Variants in STK3 observed in about 807,000 individuals in gnomAD.
STK3 encodes serine/threonine kinase 3.
In STK3, 41 loss-of-function variants were observed where a neutral mutation model predicts 58.0. The ratio of observed to expected loss-of-function variants is 0.71; its 90% confidence interval spans 0.55 to 0.92. STK3 has a LOEUF of 0.92. Among genes scored for constraint, STK3 ranks in the 40% least tolerant of loss-of-function variants. The pLI is 0.00. For synonymous variants in STK3, 170 were observed against 191.0 expected (o/e 0.89, Z 0.91); for missense variants, 479 against 602.7 (o/e 0.79, Z 2.15).
At chr8:98,695,244 T>C (rs1587324142) in intron 6 of STK3, among the ~76,000 whole-genome samples, 1 of 152,352 alleles carries the variant, frequency 6.6e-6, no homozygotes, top group East Asian at 1.9e-4. Context: ...TTCTGGATAT[T>C]AGCCCTTTGT....
intron 6 of STK3, among the ~76,000 whole-genome samples, chr8:98,685,466 A>G (rs1002767924): frequency 6.6e-6 from 1 of 152,160 alleles, no homozygotes; most frequent in Non-Finnish European, 1.5e-5. Context: ...TCACTTGTTC[A>G]TGTCTTAAAG....
At chr8:98,878,847 C>G (rs1837670192), downstream of STK3, 1 of 151,780 alleles carries the variant, frequency 6.6e-6, no homozygotes, top group East Asian at 1.9e-4. Flanking sequence ...GGGTGAGCTA[C>G]CACTCCTGGC....
chr8:98,600,815 T>C (rs908369819), intron 6 of STK3, among the ~76,000 whole-genome samples: 1 of 152,116 alleles, frequency 6.6e-6, no homozygotes, highest in Admixed American at 6.5e-5. Context: ...GACAAATGTG[T>C]GAATTACAAA....
chr8:98,706,411 C>T, intron 6 of STK3, 56 bp downstream of exon 6: 3 of 1,474,920 alleles, frequency 2.0e-6, no homozygotes, highest in Non-Finnish European at 2.7e-6. Flanking sequence ...ATTGACATTA[C>T]AAAACGGCAA....
At chr8:98,701,080 G>A (rs1825562520) in intron 6 of STK3, among the ~76,000 whole-genome samples, 1 of 151,216 alleles carries the variant, frequency 6.6e-6, no homozygotes, top group East Asian at 2.0e-4. Context: ...GAGGTGGGAG[G>A]ATTGCTTGAG....
intron 3 of STK3, among the ~76,000 whole-genome samples, chr8:98,872,369 G>C (rs1416873055): frequency 6.6e-6 from 1 of 152,160 alleles, no homozygotes; most frequent in East Asian, 1.9e-4. Context: ...AAATGAATTA[G>C]GGAGGATTCA....
intron 1 of STK3, among the ~76,000 whole-genome samples, chr8:98,384,959 C>T (rs1817775557): frequency 1.3e-5 from 2 of 152,176 alleles, no homozygotes; most frequent in Admixed American, 1.3e-4. Flanking sequence ...CTGAGTCCCT[C>T]CTCCACATTC....
At chr8:98,776,894 C>T (rs1232331837) in intron 1 of STK3, among the ~76,000 whole-genome samples, 1 of 151,640 alleles carries the variant, frequency 6.6e-6, no homozygotes, top group African/African-American at 2.4e-5. Flanking sequence ...ACTAAAAATA[C>T]GAAAAATAAG....
intron 4 of STK3, among the ~76,000 whole-genome samples, chr8:98,743,906 C>CA (rs1346387859): frequency 1.3e-5 from 2 of 152,108 alleles, no homozygotes; most frequent in Non-Finnish European, 2.9e-5. Context: ...ACAACCCCAT[C>CA]AAAAGTGGGC....
At chr8:98,630,874 A>G (rs1819168698) in intron 6 of STK3, among the ~76,000 whole-genome samples, 1 of 152,162 alleles carries the variant, frequency 6.6e-6, no homozygotes, top group South Asian at 2.1e-4. Flanking sequence ...GAGATGCCAA[A>G]GCAGAATGTT....
At chr8:98,903,557 C>T (rs138641666) in intron 1 of STK3, among the ~76,000 whole-genome samples, 1,512 of 9,462 alleles carry the variant, frequency 0.16, 73 homozygotes, top group South Asian at 0.22. Flanking sequence ...CTTCTTCTTC[C>T]TTTTTTTTTT....
intron 4 of STK3, among the ~76,000 whole-genome samples, chr8:98,741,896 G>T (rs1281986264): frequency 6.6e-6 from 1 of 152,056 alleles, no homozygotes; most frequent in Non-Finnish European, 1.5e-5. Flanking sequence ...TGATAAAGGG[G>T]ATATCACGAC....
chr8:98,693,907 T>A (rs889489798), intron 6 of STK3, among the ~76,000 whole-genome samples: 1 of 152,196 alleles, frequency 6.6e-6, no homozygotes, highest in African/African-American at 2.4e-5. Context: ...GGTGTTGGGT[T>A]TTTTTAAATA....
intron 6 of STK3, chr8:98,633,771 T>C (rs1819431165): frequency 1.8e-6 from 1 of 564,096 alleles, no homozygotes; most frequent in Non-Finnish European, 3.3e-6. Context: ...GAAGAAGCTT[T>C]TTAAGCTCAA....
chr8:98,556,786 A>G (rs980607317), intron 8 of STK3, among the ~76,000 whole-genome samples: 1 of 152,102 alleles, frequency 6.6e-6, no homozygotes, highest in Admixed American at 6.6e-5. Flanking sequence ...TAGAGCCTGT[A>G]CTAAAAAGGG....
intron 1 of STK3, among the ~76,000 whole-genome samples, chr8:98,899,339 A>T (rs1243140593): frequency 6.6e-6 from 1 of 152,204 alleles, no homozygotes; most frequent in African/African-American, 2.4e-5. Context: ...TTCATCAAGC[A>T]CAGTAGGCCC....
At chr8:98,834,530 G>A (rs187879229) in intron 3 of STK3, among the ~76,000 whole-genome samples, 1 of 152,320 alleles carries the variant, frequency 6.6e-6, no homozygotes. Context: ...TAAATGAATG[G>A]ATTTCCAAGC....
At chr8:98,820,983 A>T (rs1261986874) in intron 1 of STK3, among the ~76,000 whole-genome samples, 2 of 152,118 alleles carry the variant, frequency 1.3e-5, no homozygotes, top group East Asian at 3.9e-4. Context: ...ACCTCAAAAA[A>T]AATAATAAAA....
intron 10 of STK3, among the ~76,000 whole-genome samples, chr8:98,512,222 A>T (rs1399438126): frequency 1.3e-5 from 2 of 152,076 alleles, no homozygotes; most frequent in East Asian, 3.9e-4. Context: ...ACATTGCATA[A>T]TGTTTTAAAA....
Sources: gnomAD v4.1 joint callset for allele counts (sites outside exome capture counted in the v4.1 genomes callset) on GRCh38, gnomAD v4.1.1 for gene constraint, MANE v1.5 for transcripts, NCBI Gene and HGNC (gene_info 2026-07-23, HGNC 2026-07-21) for gene names.